The following NYAP2 variants were observed in gnomAD, a reference collection of about 807,000 sequenced individuals.
NYAP2 encodes the protein neuronal tyrosine-phosphorylated phosphoinositide-3-kinase adaptor 2.
A neutral mutation model predicts 50.4 loss-of-function variants in NYAP2; 23 were observed. The observed-to-expected ratio is 0.46, with a 90% CI of 0.33 to 0.65. The LOEUF (loss-of-function observed/expected upper bound fraction) is 0.65, where lower values mean the gene tolerates loss of function less well. NYAP2 is among the 30% of genes least tolerant of loss of function. The probability of loss-of-function intolerance (pLI) is 0.02; values close to 1 mark genes in which losing one functional copy is unlikely to be tolerated. For missense variants in NYAP2, 885 were observed against 861.0 expected, an observed-to-expected ratio of 1.03 and a Z score of -0.35; for synonymous variants, 394 against 365.2, an observed-to-expected ratio of 1.08 and a Z score of -0.90.
At position 225,621,764 on chromosome 2, in the gene NYAP2, A is replaced by G. The variant is rs182265385; in HGVS notation, c.1619-5153A>G. Among the ~76,000 whole-genome samples the G allele has an allele frequency of 4.5e-3, 684 of 151,558 alleles. 2 individuals carry two copies. The highest frequency in any genetic ancestry group is 0.015 in the African/African-American group (635 of 41,288). ...TGGCATACATGTGCAGAATGGGCAT[A>G]TTTGTTATATAGGTATACACATGCC... On this transcript the variant is annotated intron_variant, in intron 5 of 6. Coordinates refer to ENST00000636099, the Ensembl canonical transcript of NYAP2.
chr2:225,420,572 C>T (rs1346821078), intron 3 of NYAP2, among the ~76,000 whole-genome samples: 1 of 151,254 alleles, frequency 6.6e-6, no homozygotes, highest in Admixed American at 6.6e-5. Flanking sequence ...GCTTTTTGCA[C>T]AGGGAAAGAG....
chr2:225,662,016 A>G, the NYAP2 span, among the ~76,000 whole-genome samples: 2 of 152,084 alleles, frequency 1.3e-5, no homozygotes, highest in Non-Finnish European at 2.9e-5. Context: ...GAGCCACTGC[A>G]CCTGCCCCTG....
At chr2:225,701,684 T>C in the NYAP2 span, 1 of 151,690 alleles carries the variant, frequency 6.6e-6, no homozygotes, top group African/African-American at 2.4e-5. Flanking sequence ...TACTCACCCA[T>C]GTAAAATAAT....
chr2:225,446,218 C>CTGTCTG (rs747971215), intron 3 of NYAP2, among the ~76,000 whole-genome samples: 2,631 of 81,210 alleles, frequency 0.032, 89 homozygotes, highest in African/African-American at 0.056. Context: ...GTCTGTCTGT[C>CTGTCTG]TCTCTCTCTC....
chr2:225,641,228 A>G (rs1177145553), intron 6 of NYAP2, among the ~76,000 whole-genome samples: 1 of 152,160 alleles, frequency 6.6e-6, no homozygotes, highest in Non-Finnish European at 1.5e-5. Context: ...TGCTGCACCA[A>G]CAGTGTTCAC....
chr2:225,445,290 C>A (rs7569313), intron 3 of NYAP2, among the ~76,000 whole-genome samples: 1,925 of 151,996 alleles, frequency 0.013, 43 homozygotes, highest in African/African-American at 0.044. Flanking sequence ...AAATTATGTA[C>A]TTTATGTACT....
chr2:225,612,002 C>A (rs183478565), intron 5 of NYAP2, among the ~76,000 whole-genome samples: 2 of 150,544 alleles, frequency 1.3e-5, no homozygotes, highest in East Asian at 2.0e-4. Flanking sequence ...ACTGCTGAAG[C>A]CAGTTTTAGA....
chr2:225,418,554 G>A (rs906788014), intron 3 of NYAP2, among the ~76,000 whole-genome samples: 2 of 152,150 alleles, frequency 1.3e-5, no homozygotes, highest in African/African-American at 2.4e-5. Flanking sequence ...GATTGGATGG[G>A]AGGTGTGAAA....
At chr2:225,480,756 G>A (rs1331527597) in intron 3 of NYAP2, among the ~76,000 whole-genome samples, 2 of 152,040 alleles carry the variant, frequency 1.3e-5, no homozygotes, top group African/African-American at 2.4e-5. Flanking sequence ...CTTAAAACTT[G>A]TATACTATGA....
chr2:225,509,612 C>A (rs917949948), intron 3 of NYAP2, among the ~76,000 whole-genome samples: 1 of 152,180 alleles, frequency 6.6e-6, no homozygotes, highest in Admixed American at 6.5e-5. Flanking sequence ...AAGGGGTGTT[C>A]AAATTGCTGA....
At chr2:225,612,959 A>G (rs909290946) in intron 5 of NYAP2, among the ~76,000 whole-genome samples, 2 of 143,840 alleles carry the variant, frequency 1.4e-5, no homozygotes, top group Admixed American at 7.4e-5. Flanking sequence ...GTTTTGCTTC[A>G]CAGTGAAGCC....
intron 3 of NYAP2, among the ~76,000 whole-genome samples, chr2:225,446,296 C>G (rs1178173398): frequency 7.4e-6 from 1 of 136,006 alleles, no homozygotes; most frequent in East Asian, 2.2e-4. Flanking sequence ...AATTAGGAAG[C>G]AGAAAATGAA....
At chr2:225,514,517 G>T (rs1260673154) in intron 4 of NYAP2, among the ~76,000 whole-genome samples, 1 of 152,148 alleles carries the variant, frequency 6.6e-6, no homozygotes, top group Non-Finnish European at 1.5e-5. Flanking sequence ...CCTGGTTGCA[G>T]ACTGCCGACT....
chr2:225,665,356 A>C, the NYAP2 span, among the ~76,000 whole-genome samples: 34 of 152,140 alleles, frequency 2.2e-4, no homozygotes, highest in Non-Finnish European at 1.9e-4. Flanking sequence ...AGAAAAAAAA[A>C]TGTTTTTAAG....
downstream of NYAP2, among the ~76,000 whole-genome samples, chr2:225,658,731 GAA>G (rs1439412653): frequency 6.6e-6 from 1 of 152,108 alleles, no homozygotes; most frequent in East Asian, 1.9e-4. Flanking sequence ...ATCTAAGGTG[GAA>G]AATAAAATTT....
chr2:225,664,671 A>T, the NYAP2 span, among the ~76,000 whole-genome samples: 1 of 152,064 alleles, frequency 6.6e-6, no homozygotes, highest in Non-Finnish European at 1.5e-5. Context: ...GATCGAGACC[A>T]GGATCATCCT....
At chr2:225,537,720 A>G (rs1486799065) in intron 4 of NYAP2, among the ~76,000 whole-genome samples, 1 of 152,062 alleles carries the variant, frequency 6.6e-6, no homozygotes, top group Non-Finnish European at 1.5e-5. Flanking sequence ...TTCAAAACCA[A>G]TCATGCCTTC....
intron 3 of NYAP2, among the ~76,000 whole-genome samples, chr2:225,449,161 G>A (rs1413402190): frequency 1.3e-5 from 2 of 152,210 alleles, no homozygotes; most frequent in Non-Finnish European, 2.9e-5. Context: ...AAAGTGGAAT[G>A]AGTTCAAGTG....
intron 4 of NYAP2, among the ~76,000 whole-genome samples, chr2:225,520,186 G>A (rs1256265286): frequency 1.3e-5 from 2 of 152,198 alleles, no homozygotes; most frequent in African/African-American, 2.4e-5. Flanking sequence ...TTTGTCAGAT[G>A]AGTAGGTTGC....
Sources: allele counts gnomAD v4.1 joint callset (sites outside exome capture counted in the v4.1 genomes callset), GRCh38; gene constraint gnomAD v4.1.1; transcripts MANE v1.5; gene names NCBI Gene and HGNC (gene_info 2026-07-23, HGNC 2026-07-21).